The following ARHGAP12 variants were observed in gnomAD, a reference collection of about 807,000 sequenced individuals.
ARHGAP12 encodes the protein Rho GTPase activating protein 12, also known as rho GTPase-activating protein 12.
Under a neutral mutation model 108.6 loss-of-function variants are expected in ARHGAP12, and 64 were observed. The observed-to-expected ratio is 0.59, with a 90% CI of 0.48 to 0.73. The LOEUF is 0.73. ARHGAP12 is among the 30% of genes least tolerant of loss of function. ARHGAP12 has a pLI of 0.00. For missense variants in ARHGAP12, 940 were observed against 1,005.9 expected, an observed-to-expected ratio of 0.93 and a Z score of 0.89; for synonymous variants, 312 against 337.2, an observed-to-expected ratio of 0.93 and a Z score of 0.82.
chr10:31,911,003 CTAAT>C (rs938119267), intron 1 of ARHGAP12, among the ~76,000 whole-genome samples: 3 of 151,934 alleles, frequency 2.0e-5, no homozygotes, highest in African/African-American at 7.2e-5. Context: ...TGATTACTTC[CTAAT>C]TATTTTATTT....
At chr10:31,821,348 C>T (rs942799372) in intron 11 of ARHGAP12, among the ~76,000 whole-genome samples, 1 of 152,088 alleles carries the variant, frequency 6.6e-6, no homozygotes, top group African/African-American at 2.4e-5. Flanking sequence ...GTTAAATATA[C>T]ACTTACTCTG....
intron 9 of ARHGAP12, among the ~76,000 whole-genome samples, chr10:31,832,725 T>C (rs1835878815): frequency 6.6e-6 from 1 of 152,234 alleles, no homozygotes; most frequent in Non-Finnish European, 1.5e-5. Context: ...TACTCTGCTA[T>C]ATTTTCTCAA....
chr10:31,881,622 C>T (rs1837961185), intron 3 of ARHGAP12, among the ~76,000 whole-genome samples: 1 of 152,138 alleles, frequency 6.6e-6, no homozygotes, highest in Non-Finnish European at 1.5e-5. Flanking sequence ...CATCTCAATA[C>T]CCTAGAGTTT....
At chr10:31,824,323 T>A (rs907341139) in intron 11 of ARHGAP12, among the ~76,000 whole-genome samples, 1 of 152,200 alleles carries the variant, frequency 6.6e-6, no homozygotes, top group Admixed American at 6.5e-5. Context: ...CTGAACTGAT[T>A]ATATTAATAC....
In ARHGAP12 at chr10:31,908,782, T is replaced by C; in HGVS notation, c.74A>G (p.Tyr25Cys). The change falls in exon 3 of 20, where the codon TAT (tyrosine) becomes TGT (cysteine). Residue 25 changes from tyrosine to cysteine, a missense_variant. By Grantham distance (194) the Tyr-to-Cys change is radical (BLOSUM62 -2). Transcript: ENST00000344936. Reference sequence around the variant, plus strand: ...CACAATCTTTCTGTCCTTTGCTTCATATTCATAATCATATTCCACCTCAAT... The same window carrying C: ...CACAATCTTTCTGTCCTTTGCTTCACATTCATAATCATATTCCACCTCAAT... The part of the protein sequence containing the change: ...VYIEVEYDYE[Y>C]EAKDRKIVIK... 6 of 1,612,106 alleles carry C rather than the reference T, an allele frequency of 3.7e-6. No homozygotes were observed. Among genetic ancestry groups the C allele is most frequent in the Non-Finnish European group, 5.1e-6 (6 of 1,179,998 alleles).
intron 3 of ARHGAP12, among the ~76,000 whole-genome samples, chr10:31,876,560 A>C (rs570036590): frequency 1.1e-3 from 164 of 151,210 alleles, no homozygotes; most frequent in African/African-American, 3.3e-3. Context: ...AAAAAAAAAA[A>C]CCCACTAATA....
intron 11 of ARHGAP12, among the ~76,000 whole-genome samples, chr10:31,825,052 C>A (rs1160598656): frequency 6.6e-6 from 1 of 152,092 alleles, no homozygotes; most frequent in Non-Finnish European, 1.5e-5. Context: ...AAATTTCAAC[C>A]CTTTCACAGG....
Position 31,882,507 on chromosome 10 carries a change from T to C in ARHGAP12, c.685-20849A>G, listed in dbSNP as rs112464663. Among the ~76,000 whole-genome samples, 1,015 of 152,176 alleles carry C rather than the reference T, an allele frequency of 6.7e-3. 10 individuals carry two copies. The highest frequency in any genetic ancestry group is 0.024 in the African/African-American group (977 of 41,520). On this transcript the variant is annotated intron_variant, in intron 3 of 19. Transcript: ENST00000344936. ...GAGAGTGGAACAAAATGCACAAAAC[T>C]ATGAGCTCTTTAAGAGTAGAAACTA...
intron 1 of ARHGAP12, chr10:31,913,715 GGAA>G (rs1057375665): frequency 4.0e-5 from 6 of 149,094 alleles, no homozygotes; most frequent in African/African-American, 1.5e-4. Context: ...AAGAGAATGA[GGAA>G]GAAGAGGAAA....
chr10:31,820,366 A>G, intron 12 of ARHGAP12, 21 bp downstream of exon 12: 1 of 1,568,234 alleles, frequency 6.4e-7, no homozygotes, highest in Non-Finnish European at 8.7e-7. Flanking sequence ...AATGTGTTAT[A>G]CTTAGAAAAA....
chr10:31,887,599 C>T (rs1326025454), intron 3 of ARHGAP12, among the ~76,000 whole-genome samples: 1 of 151,168 alleles, frequency 6.6e-6, no homozygotes, highest in Non-Finnish European at 1.5e-5. Flanking sequence ...TCTGGAGAGA[C>T]AAAGACATGC....
intron 1 of ARHGAP12, among the ~76,000 whole-genome samples, chr10:31,921,556 G>A (rs1258730397): frequency 2.0e-5 from 3 of 151,460 alleles, no homozygotes; most frequent in Non-Finnish European, 4.4e-5. Context: ...ATGAGGTCAG[G>A]AGTTCGATAC....
intron 3 of ARHGAP12, among the ~76,000 whole-genome samples, chr10:31,889,904 A>G (rs1208750983): frequency 6.6e-6 from 1 of 151,812 alleles, no homozygotes; most frequent in East Asian, 1.9e-4. Flanking sequence ...ATATTTTAAT[A>G]TATATAAACT....
rs367753668 is a variant in ARHGAP12 at position 31,843,503 on chromosome 10, T to C, written c.1254A>G (p.Thr418=). The C allele has an allele frequency of 2.5e-6, 4 of 1,613,084 alleles. No individual in the cohort carries two copies. The highest frequency in any genetic ancestry group is 2.7e-5 in the African/African-American group (2 of 74,868). ...ATACAATGGTGCTATGTCTCCACTT[T>C]GTTAATACTATTGGTTCTTGCAGCC... is the stretch of plus-strand genomic sequence containing the variant. ...DRRLQEPIVL[T]KWRHSTIVLD... The change falls in exon 7 of 20, where the codon ACA becomes ACG. Residue 418 remains threonine (T), a synonymous_variant. Coordinates refer to ENST00000344936, the MANE Select transcript of ARHGAP12 (RefSeq NM_018287.7).
At chr10:31,822,643 G>T (rs956119914) in intron 11 of ARHGAP12, among the ~76,000 whole-genome samples, 2 of 152,100 alleles carry the variant, frequency 1.3e-5, no homozygotes, top group Non-Finnish European at 2.9e-5. Context: ...ATCATGTCAG[G>T]CCCTTTACGA....
intron 10 of ARHGAP12, among the ~76,000 whole-genome samples, chr10:31,830,389 T>A (rs1835789668): frequency 1.3e-5 from 2 of 151,900 alleles, no homozygotes; most frequent in African/African-American, 2.4e-5. Context: ...GCAGAAAATC[T>A]AAAAGGCTAC....
At chr10:31,924,373 C>T (rs1257032823) in intron 1 of ARHGAP12, among the ~76,000 whole-genome samples, 6 of 151,860 alleles carry the variant, frequency 4.0e-5, no homozygotes, top group African/African-American at 1.5e-4. Flanking sequence ...CTTGTAAGAA[C>T]GGAAAGAGAA....
chr10:31,906,835 GAT>G (rs1839152164), intron 3 of ARHGAP12, among the ~76,000 whole-genome samples: 1 of 152,152 alleles, frequency 6.6e-6, no homozygotes, highest in African/African-American at 2.4e-5. Context: ...GTGATGGCTG[GAT>G]GGAATCCTGT....
At chr10:31,899,032 C>A (rs909937012) in intron 3 of ARHGAP12, among the ~76,000 whole-genome samples, 4 of 152,116 alleles carry the variant, frequency 2.6e-5, no homozygotes, top group Admixed American at 1.3e-4. Flanking sequence ...CATGGCTGAA[C>A]ATTGAAAACA....
Sources: allele counts gnomAD v4.1 joint callset (sites outside exome capture counted in the v4.1 genomes callset), GRCh38; gene constraint gnomAD v4.1.1; transcripts MANE v1.5; gene names NCBI Gene and HGNC (gene_info 2026-07-23, HGNC 2026-07-21).